The following ASAP1 variants were observed in gnomAD, a reference collection of about 807,000 sequenced individuals.
ASAP1 encodes arf-GAP with SH3 domain, ANK repeat and PH domain-containing protein 1.
Under a neutral mutation model 145.2 loss-of-function variants are expected in ASAP1, and 43 were observed. The observed-to-expected ratio is 0.30, with a 90% confidence interval of 0.23 to 0.38. ASAP1 has a LOEUF of 0.38. Among genes scored for constraint, ASAP1 ranks in the 10% least tolerant of loss-of-function variants. ASAP1 has a pLI of 1.00. For missense variants in ASAP1, 1,018 were observed against 1,355.3 expected (o/e 0.75, Z 3.91); for synonymous variants, 546 against 515.5 (o/e 1.06, Z -0.80).
chr8:130,364,411 C>T (rs1826855570), intron 2 of ASAP1, among the ~76,000 whole-genome samples: 2 of 152,204 alleles, frequency 1.3e-5, no homozygotes, highest in South Asian at 4.1e-4. Context: ...AAAGCAGGTA[C>T]TGTATTATTC....
intron 11 of ASAP1, among the ~76,000 whole-genome samples, chr8:130,165,189 G>A (rs541475687): frequency 1.3e-5 from 2 of 152,190 alleles, no homozygotes; most frequent in East Asian, 1.9e-4. Flanking sequence ...TAGCATGAGC[G>A]GAACACTTAA....
In ASAP1 at chr8:130,151,370, CAAAAAAAAAAAAAAAAAAAAAAAA is replaced by C. The variant is rs58367856; in HGVS notation, c.1080+1342_1080+1365del. On this transcript the variant is annotated intron_variant, in intron 13 of 29. Coordinates refer to ENST00000518721, the MANE Select transcript of ASAP1 (RefSeq NM_018482.4). ...TGGGTGAAAGAGCGAGACTCAGTCT[CAAAAAAAAAAAAAAAAAAAAAAAA>C]AAAAAAAAAAAAAAAAAGATTGCTG... Among the ~76,000 whole-genome samples, 26 of 62,858 alleles carry C rather than the reference CAAAAAAAAAAAAAAAAAAAAAAAA, an allele frequency of 4.1e-4. 1 individual carries two copies. Among genetic ancestry groups the C allele is most frequent in the Non-Finnish European group, 4.8e-4 (16 of 33,060 alleles). 41.2% of individuals were successfully genotyped at this position (62,858 alleles called of 152,430 possible). A position where few individuals can be genotyped will look rare whatever the true frequency, so the allele number is the denominator to read the frequency against.
At chr8:130,252,805 A>C (rs946139458) in intron 3 of ASAP1, among the ~76,000 whole-genome samples, 2 of 152,174 alleles carry the variant, frequency 1.3e-5, no homozygotes, top group African/African-American at 4.8e-5. Context: ...AGACCAAAAA[A>C]ATACTCATGA....
At chr8:130,339,489 A>C (rs1054877601) in intron 3 of ASAP1, among the ~76,000 whole-genome samples, 7 of 152,184 alleles carry the variant, frequency 4.6e-5, no homozygotes, top group Non-Finnish European at 8.8e-5. Context: ...GGAAGTCAGC[A>C]AAAAGAAGGA....
At chr8:130,261,465 G>A (rs145384550) in intron 3 of ASAP1, among the ~76,000 whole-genome samples, 1 of 152,160 alleles carries the variant, frequency 6.6e-6, no homozygotes, top group Non-Finnish European at 1.5e-5. Context: ...CTAGAAGGGA[G>A]ATGTAGGGTG....
chr8:130,088,299 T>G (rs1024272491), intron 25 of ASAP1, among the ~76,000 whole-genome samples: 4 of 151,926 alleles, frequency 2.6e-5, no homozygotes, highest in African/African-American at 9.7e-5. Context: ...CCCAGCTAAT[T>G]TTGTATTTTT....
At chr8:130,378,280 A>C (rs1379776551) in intron 2 of ASAP1, among the ~76,000 whole-genome samples, 3 of 152,244 alleles carry the variant, frequency 2.0e-5, no homozygotes, top group African/African-American at 7.2e-5. Flanking sequence ...TCCTTTAATA[A>C]AGCAAGTGAC....
At chr8:130,355,035 G>A (rs1019499578) in intron 3 of ASAP1, among the ~76,000 whole-genome samples, 3 of 152,072 alleles carry the variant, frequency 2.0e-5, no homozygotes, top group Admixed American at 1.3e-4. Context: ...ACAGGCATGC[G>A]CCATCATGCC....
chr8:130,266,498 A>G (rs559013828), intron 3 of ASAP1, among the ~76,000 whole-genome samples: 364 of 152,308 alleles, frequency 2.4e-3, no homozygotes, highest in African/African-American at 8.5e-3. Flanking sequence ...TGGAGCTGGA[A>G]GCACCCCAGG....
intron 15 of ASAP1, among the ~76,000 whole-genome samples, chr8:130,133,337 G>T (rs1338389797): frequency 6.6e-6 from 1 of 152,234 alleles, no homozygotes; most frequent in Non-Finnish European, 1.5e-5. Flanking sequence ...ATCTAAGGTT[G>T]CATACCTGGT....
At chr8:130,438,040 G>A (rs1830375837) in intron 1 of ASAP1, among the ~76,000 whole-genome samples, 1 of 152,196 alleles carries the variant, frequency 6.6e-6, no homozygotes, top group Non-Finnish European at 1.5e-5. Context: ...AGCTGAAGGG[G>A]CTGGCAGGGT....
chr8:130,158,315 G>C (rs2097662021), intron 12 of ASAP1, among the ~76,000 whole-genome samples: 1 of 149,732 alleles, frequency 6.7e-6, no homozygotes, highest in African/African-American at 2.5e-5. Context: ...TTCAAGACCA[G>C]CCTGGGCAAC....
chr8:130,245,666 C>CAGGTGT (rs1400492646), intron 3 of ASAP1, among the ~76,000 whole-genome samples: 2 of 152,124 alleles, frequency 1.3e-5, no homozygotes, highest in Non-Finnish European at 2.9e-5. Context: ...GGTGTGTATA[C>CAGGTGT]GTTTTGAGGG....
chr8:130,095,114 T>A (rs967980670), intron 24 of ASAP1, among the ~76,000 whole-genome samples: 3 of 152,130 alleles, frequency 2.0e-5, no homozygotes, highest in African/African-American at 7.2e-5. Context: ...ACTTCTGACT[T>A]CCTTCATATT....
intron 3 of ASAP1, among the ~76,000 whole-genome samples, chr8:130,323,207 A>C (rs1173246144): frequency 6.6e-6 from 1 of 152,202 alleles, no homozygotes; most frequent in Non-Finnish European, 1.5e-5. Flanking sequence ...GGAGGACAAG[A>C]TTCCTAATGC....
In ASAP1 at chr8:130,420,637, T is replaced by C. The variant is rs1829681482; in HGVS notation, c.-27-18667A>G. ...GGCCAGGTGCGGTGGCTCACACCTG[T>C]AATCCCAGCACTGTGGGAGGCCGAG... is the stretch of plus-strand genomic sequence containing the variant. On this transcript the variant is annotated intron_variant, in intron 1 of 29. Transcript: ENST00000518721. 3.9e-5 allele frequency among the ~76,000 whole-genome samples: 6 copies of C among 152,070 alleles called. No homozygotes were observed. In the South Asian group the frequency reaches 1.2e-3, roughly 32 times the overall value.
intron 4 of ASAP1, among the ~76,000 whole-genome samples, chr8:130,233,105 T>C (rs1322136119): frequency 1.3e-5 from 2 of 152,154 alleles, no homozygotes; most frequent in Admixed American, 6.5e-5. Flanking sequence ...CAGGCCTCAA[T>C]AGTCTGTGAG....
At position 130,358,643 on chromosome 8, in the gene ASAP1, G is replaced by A. The variant is rs1826512648; in HGVS notation, c.60-500C>T. ...CGGGCGGGCGGGCGGCGCTCGCGCT[G>A]CAGTCACGGGGCCAAACAAGGAAGT... On this transcript the variant is annotated intron_variant, in intron 2 of 29. Coordinates refer to ENST00000518721, the MANE Select transcript of ASAP1 (RefSeq NM_018482.4). This position sits in a 1 kb window ranked among gnomAD's most constrained non-coding sequence, Gnocchi z 4.1. Among the ~76,000 whole-genome samples, 1 of 147,150 alleles carries A rather than the reference G, an allele frequency of 6.8e-6. No individual in the cohort carries two copies. The highest frequency in any genetic ancestry group is 2.4e-5 in the African/African-American group (1 of 41,016).
chr8:130,198,135 T>C (rs1028367438), intron 5 of ASAP1, among the ~76,000 whole-genome samples: 12 of 127,918 alleles, frequency 9.4e-5, no homozygotes, highest in Non-Finnish European at 1.1e-4. Flanking sequence ...TTTCATAAGA[T>C]TTTTTTTTTT....
Sources: allele counts gnomAD v4.1 joint callset (sites outside exome capture counted in the v4.1 genomes callset), GRCh38; gene constraint gnomAD v4.1.1; non-coding constraint Gnocchi (gnomAD v3.1); transcripts MANE v1.5; gene names NCBI Gene and HGNC (gene_info 2026-07-23, HGNC 2026-07-21).